Variants in PTPRT observed in about 807,000 individuals in gnomAD.
The protein encoded by PTPRT is protein tyrosine phosphatase receptor type T, also known as receptor-type tyrosine-protein phosphatase T.
Under a neutral mutation model 176.8 loss-of-function variants are expected in PTPRT, and 56 were observed. That is an observed-to-expected ratio of 0.32 (90% CI 0.26 to 0.40). The LOEUF is 0.40. PTPRT is among the 10% of genes least tolerant of loss of function. The pLI is 1.00. For synonymous variants in PTPRT, 783 were observed against 739.0 expected (o/e 1.06, Z -0.96); for missense variants, 1,540 against 1,908.2 (o/e 0.81, Z 3.60).
chr20:42,266,832 A>G (rs775356147), intron 13 of PTPRT, among the ~76,000 whole-genome samples: 6 of 152,178 alleles, frequency 3.9e-5, no homozygotes, highest in Non-Finnish European at 7.3e-5. Flanking sequence ...ACTGCCCACA[A>G]TGGTAGTCAC....
At chr20:42,301,028 A>G (rs2057460462) in intron 12 of PTPRT, among the ~76,000 whole-genome samples, 1 of 152,150 alleles carries the variant, frequency 6.6e-6, no homozygotes, top group South Asian at 2.1e-4. Flanking sequence ...GTAATAGTTG[A>G]TTTCAACAAA....
chr20:43,078,881 A>C (rs1190426600), intron 1 of PTPRT, among the ~76,000 whole-genome samples: 1 of 152,176 alleles, frequency 6.6e-6, no homozygotes, highest in Non-Finnish European at 1.5e-5. Context: ...GATCTAAGGA[A>C]GCTGCTCTTC....
At chr20:42,820,101 A>T (rs1346635595) in intron 2 of PTPRT, among the ~76,000 whole-genome samples, 1 of 152,220 alleles carries the variant, frequency 6.6e-6, no homozygotes, top group Admixed American at 6.5e-5. Context: ...CTACACCAAA[A>T]TCAACAGAAT....
chr20:42,207,037 C>T (rs1413398231), intron 15 of PTPRT, among the ~76,000 whole-genome samples: 5 of 152,182 alleles, frequency 3.3e-5, no homozygotes, highest in Admixed American at 6.5e-5. Context: ...GGCACACTGA[C>T]ACCTCACAAG....
chr20:42,882,248 T>C (rs1421089706), intron 2 of PTPRT, among the ~76,000 whole-genome samples: 2 of 152,212 alleles, frequency 1.3e-5, no homozygotes, highest in East Asian at 1.9e-4. Context: ...CATGCCTCTC[T>C]GCCTAAGAGG....
chr20:42,507,046 C>T (rs141520759), intron 7 of PTPRT, among the ~76,000 whole-genome samples: 46 of 152,186 alleles, frequency 3.0e-4, no homozygotes, highest in Non-Finnish European at 6.0e-4. Context: ...GTTGTGAGAC[C>T]TCATTATGCA....
At chr20:42,648,820 G>GTTGTTTTTTTT (rs1310734163) in intron 7 of PTPRT, among the ~76,000 whole-genome samples, 2 of 111,834 alleles carry the variant, frequency 1.8e-5, no homozygotes, top group African/African-American at 7.5e-5. Context: ...TGGTGTCGTT[G>GTTGTTTTTTTT]TTTTTTTTTT....
rs531685450 is a variant in PTPRT at position 42,891,070 on chromosome 20, T to C, written c.89-5138A>G. 4.6e-5 allele frequency among the ~76,000 whole-genome samples: 7 copies of C among 152,330 alleles called. No homozygotes were observed. The East Asian group carries it at 1.3e-3, about 29-fold the overall frequency. On this transcript the variant is annotated intron_variant, in intron 1 of 30. Transcript: ENST00000373187. ...TGGAACTGTGAATCCACTAAACCTG[T>C]TTCTTTATAAATTACCCAGTCTTGG...
At chr20:42,383,871 G>A (rs112579804) in intron 9 of PTPRT, among the ~76,000 whole-genome samples, 4 of 152,266 alleles carry the variant, frequency 2.6e-5, no homozygotes, top group African/African-American at 7.2e-5. Flanking sequence ...ATAATTGAAA[G>A]GATTCTCCAG....
intron 1 of PTPRT, among the ~76,000 whole-genome samples, chr20:43,012,504 T>C (rs1985180013): frequency 6.6e-6 from 1 of 152,086 alleles, no homozygotes; most frequent in Non-Finnish European, 1.5e-5. Flanking sequence ...GAGATAGATA[T>C]CGGGGGTGGT....
chr20:42,253,160 G>A (rs1477581950), intron 13 of PTPRT, among the ~76,000 whole-genome samples: 1 of 152,162 alleles, frequency 6.6e-6, no homozygotes, highest in Non-Finnish European at 1.5e-5. Flanking sequence ...CGCTTTTGTG[G>A]CAGAGTCAGG....
At chr20:43,168,976 A>C (rs1568824179) in intron 1 of PTPRT, among the ~76,000 whole-genome samples, 2 of 152,198 alleles carry the variant, frequency 1.3e-5, no homozygotes, top group Non-Finnish European at 2.9e-5. Flanking sequence ...TGTGTCTGCA[A>C]AGCCTTTAAA....
chr20:42,637,963 TAAAG>T (rs1463473837), intron 7 of PTPRT, among the ~76,000 whole-genome samples: 1 of 152,116 alleles, frequency 6.6e-6, no homozygotes, highest in African/African-American at 2.4e-5. Context: ...CTGTTATACA[TAAAG>T]AAGGGTGAAT....
intron 14 of PTPRT, among the ~76,000 whole-genome samples, chr20:42,240,717 T>TG (rs1568700114): frequency 4.9e-5 from 7 of 141,848 alleles, no homozygotes; most frequent in Middle Eastern, 3.5e-3. Context: ...CATCCATCCA[T>TG]CCCATCCATC....
chr20:42,379,544 G>A lies in PTPRT; in HGVS notation c.1561-27259C>T, dbSNP rs1255643443. Among the ~76,000 whole-genome samples the A allele has an allele frequency of 2.0e-5, 3 of 152,204 alleles. No individual in the cohort carries two copies. In the East Asian group the frequency reaches 5.8e-4, roughly 29 times the overall value. On this transcript the variant is annotated intron_variant, in intron 9 of 30. Coordinates refer to ENST00000373187, the MANE Select transcript of PTPRT (RefSeq NM_007050.6). Reference sequence around the variant, plus strand: ...ACTCTTACTTTTCCTAGAGGCACCTGAGCCTGTGGAGGGCAGCAGGAGCTC... The same window carrying A: ...ACTCTTACTTTTCCTAGAGGCACCTAAGCCTGTGGAGGGCAGCAGGAGCTC...
intron 1 of PTPRT, among the ~76,000 whole-genome samples, chr20:43,130,949 A>G (rs145771219): frequency 6.6e-6 from 1 of 152,364 alleles, no homozygotes; most frequent in African/African-American, 2.4e-5. Flanking sequence ...GTGCAGAGAC[A>G]GCTGGCTAAG....
intron 7 of PTPRT, among the ~76,000 whole-genome samples, chr20:42,562,269 C>A (rs770772723): frequency 9.1e-4 from 139 of 152,176 alleles, no homozygotes; most frequent in Non-Finnish European, 1.6e-3. Flanking sequence ...GGTAATGCCA[C>A]ACCCCCATAG....
At chr20:42,899,205 T>C (rs1042546214) in intron 1 of PTPRT, among the ~76,000 whole-genome samples, 30 of 152,238 alleles carry the variant, frequency 2.0e-4, no homozygotes, top group Admixed American at 1.8e-3. Context: ...TGCTATCTTT[T>C]CCATTTTTAT....
At chr20:43,137,755 T>G (rs1568806711) in intron 1 of PTPRT, among the ~76,000 whole-genome samples, 1 of 152,152 alleles carries the variant, frequency 6.6e-6, no homozygotes. Flanking sequence ...TGCCAACACA[T>G]GCACACATGC....
Sources: gnomAD v4.1 joint callset for allele counts (sites outside exome capture counted in the v4.1 genomes callset) on GRCh38, gnomAD v4.1.1 for gene constraint, MANE v1.5 for transcripts, NCBI Gene and HGNC (gene_info 2026-07-23, HGNC 2026-07-21) for gene names.